Variants in FREM1 observed in about 807,000 individuals in gnomAD.
FREM1 encodes FRAS1 related extracellular matrix 1, also known as FRAS1-related extracellular matrix protein 1.
FREM1 carries 220 observed loss-of-function variants against 210.1 expected under a neutral mutation model. The ratio of observed to expected loss-of-function variants is 1.05; its 90% CI spans 0.94 to 1.17. The LOEUF (loss-of-function observed/expected upper bound fraction) is 1.17, where lower values mean the gene tolerates loss of function less well. FREM1 is among the 50% of genes most tolerant of loss of function. The pLI is 0.00. For missense variants in FREM1, 3,454 were observed against 2,675.5 expected (o/e 1.29, Z -6.42); for synonymous variants, 1,189 against 980.2 (o/e 1.21, Z -3.98).
chr9:14,803,096 T>C (rs1207517416), intron 19 of FREM1, among the ~76,000 whole-genome samples: 2 of 144,298 alleles, frequency 1.4e-5, no homozygotes, highest in South Asian at 2.4e-4. Context: ...TCCTCTCTTC[T>C]TCTCTTTCCC....
At chr9:14,907,209 T>C (rs546167890) in intron 1 of FREM1, among the ~76,000 whole-genome samples, 1 of 57,120 alleles carries the variant, frequency 1.8e-5, no homozygotes, top group South Asian at 3.9e-4. Context: ...AGAGGCTATG[T>C]TGTCAAAAAG....
At chr9:14,897,202 G>C (rs1038602305) in intron 1 of FREM1, among the ~76,000 whole-genome samples, 2 of 152,130 alleles carry the variant, frequency 1.3e-5, no homozygotes, top group African/African-American at 4.8e-5. Flanking sequence ...ACCTGGCACT[G>C]TTGTAACTCA....
At chr9:14,765,865 C>T (rs1439619466) in intron 27 of FREM1, among the ~76,000 whole-genome samples, 4 of 152,172 alleles carry the variant, frequency 2.6e-5, no homozygotes, top group Non-Finnish European at 4.4e-5. Flanking sequence ...CCAGTGGGCA[C>T]AAGAAAGAGG....
chr9:14,882,913 A>AAAAAAAAAAAAAG (rs1835057168), intron 1 of FREM1, among the ~76,000 whole-genome samples: 1 of 47,526 alleles, frequency 2.1e-5, no homozygotes, highest in African/African-American at 8.5e-5. Flanking sequence ...ACTCCATCTC[A>AAAAAAAAAAAAAG]AAAAAAAAAA....
Position 14,897,419 on chromosome 9 carries a change from C to T in FREM1, c.-268+12495G>A, listed in dbSNP as rs7024382. Among the ~76,000 whole-genome samples the T allele has an allele frequency of 4.0e-5, 6 of 151,816 alleles. No homozygotes were observed. In the East Asian group the frequency reaches 1.2e-3, roughly 29 times the overall value. ...GTGATCAAGATGAGGAAACGGGGGC[C>T]CAAAGAGGCTAAGTGATTTGTCAAA... On this transcript the variant is annotated intron_variant, in intron 1 of 36. Transcript: ENST00000380880.
In FREM1 at chr9:14,817,259, T is replaced by C. The variant is rs540158239; in HGVS notation, c.2547-388A>G. Among the ~76,000 whole-genome samples the C allele has an allele frequency of 2.2e-3, 336 of 152,282 alleles. 3 individuals carry two copies. In the South Asian group the frequency reaches 0.029, roughly 13 times the overall value. On this transcript the variant is annotated intron_variant, in intron 14 of 36. Coordinates refer to ENST00000380880, the MANE Select transcript of FREM1 (RefSeq NM_001379081.2). ...GAAAAGTGGGACACTGTGGATTTGA[T>C]CTTTTTCTCCCCTTTTCTACTTCTA...
intron 10 of FREM1, among the ~76,000 whole-genome samples, chr9:14,825,570 T>TATATATATATATATAC (rs1822289590): frequency 7.1e-6 from 1 of 140,832 alleles, no homozygotes; most frequent in East Asian, 2.1e-4. Flanking sequence ...TATATATATA[T>TATATATATATATATAC]ACCACAATTA....
chr9:14,806,765 G>A lies in FREM1; in HGVS notation c.3170C>T (p.Ala1057Val), dbSNP rs1818446023. 1 of 1,605,638 alleles carries A rather than the reference G, an allele frequency of 6.2e-7. No homozygotes were observed. Among genetic ancestry groups the A allele is most frequent in the Non-Finnish European group, 8.5e-7 (1 of 1,175,502 alleles). ...HLSATDPDTA[A>V]DDLEFVLVSP... ...AACCAAAACAAATTCCAAGTCATCTGCTGCAGTGTCAGGGTCAGTGGCGGA... is the reference window on the plus strand; with the variant it reads ...AACCAAAACAAATTCCAAGTCATCTACTGCAGTGTCAGGGTCAGTGGCGGA... Residue 1057 changes from alanine (A) to valine (V), a missense_variant, in exon 18 of 37, where the codon GCA (alanine) becomes GTA (valine). Physicochemically the swap from Ala to Val is moderately conservative, Grantham distance 64 (BLOSUM62 0). Transcript: ENST00000380880.
chr9:14,778,194 TC>T (rs1276604813), intron 24 of FREM1, among the ~76,000 whole-genome samples: 2 of 152,152 alleles, frequency 1.3e-5, no homozygotes, highest in African/African-American at 2.4e-5. Context: ...CACATAATTT[TC>T]TCAAAACAAA....
intron 1 of FREM1, among the ~76,000 whole-genome samples, chr9:14,895,099 C>T (rs1004213816): frequency 6.6e-6 from 1 of 152,174 alleles, no homozygotes; most frequent in Non-Finnish European, 1.5e-5. Context: ...GGAATTTACC[C>T]AACTCACAGG....
rs2270529 is a variant in FREM1 at position 14,747,135 on chromosome 9, T to C, written c.6010-84A>G. 519,008 of 1,593,068 alleles carry C rather than the reference T, an allele frequency of 0.33. 85,581 individuals are homozygous for C. The highest frequency in any genetic ancestry group is 0.38 in the South Asian group (33,703 of 89,748). On this transcript the variant is annotated intron_variant, in intron 33 of 36. Coordinates refer to ENST00000380880, the MANE Select transcript of FREM1 (RefSeq NM_001379081.2). Reference sequence around the variant, plus strand: ...CATTCACCTCCTTTGGGTCTTCATTTGTTGGGAAGCATTTGTGTTGGGTAA... The same window carrying C: ...CATTCACCTCCTTTGGGTCTTCATTCGTTGGGAAGCATTTGTGTTGGGTAA...
In FREM1 at chr9:14,907,769, T is replaced by C. The variant is rs1588698619; in HGVS notation, c.-268+2145A>G. Among the ~76,000 whole-genome samples, 2 of 152,246 alleles carry C rather than the reference T, an allele frequency of 1.3e-5. 1 individual carries two copies. The highest frequency in any genetic ancestry group is 4.1e-4 in the South Asian group (2 of 4,832). On this transcript the variant is annotated intron_variant, in intron 1 of 36. Coordinates refer to ENST00000380880, the MANE Select transcript of FREM1 (RefSeq NM_001379081.2). The stretch of plus-strand genomic sequence containing the variant: ...TTAGGCCTATTCTCAGAGTAAATGC[T>C]GAAAAGCTCTCATAGCCCATATCTG...
intron 24 of FREM1, among the ~76,000 whole-genome samples, chr9:14,782,620 G>T (rs537263138): frequency 6.6e-6 from 1 of 152,310 alleles, no homozygotes; most frequent in African/African-American, 2.4e-5. Context: ...AACAATCATT[G>T]CTCCTCTTGG....
chr9:14,861,320 CACATATAT>C lies in FREM1; in HGVS notation c.330-1844_330-1837del, dbSNP rs1183965979. On this transcript the variant is annotated intron_variant, in intron 3 of 36. Coordinates refer to ENST00000380880, the MANE Select transcript of FREM1 (RefSeq NM_001379081.2). The stretch of plus-strand genomic sequence containing the variant: ...ATATATACACATATATACATATATA[CACATATAT>C]ACATATATACACATATATATACATA... 4.5e-5 allele frequency among the ~76,000 whole-genome samples: 5 copies of C among 111,102 alleles called. No homozygotes were observed. The South Asian group carries it at 7.4e-4, about 17-fold the overall frequency. The allele number at this position is 111,102 out of a possible 152,430, so 72.9% of individuals were successfully genotyped here.
intron 3 of FREM1, among the ~76,000 whole-genome samples, chr9:14,860,342 A>G (rs1384591012): frequency 6.6e-6 from 1 of 151,836 alleles, no homozygotes; most frequent in African/African-American, 2.4e-5. Context: ...ACTCCCCTGA[A>G]TATTTTATTT....
chr9:14,867,407 C>T (rs1027212292), intron 2 of FREM1, among the ~76,000 whole-genome samples: 1 of 152,180 alleles, frequency 6.6e-6, no homozygotes, highest in Non-Finnish European at 1.5e-5. Context: ...TATGTGGAGC[C>T]ATTGTTGAAT....
In FREM1 at chr9:14,784,588, A is replaced by G. The variant is rs753734597; in HGVS notation, c.4224T>C (p.Asp1408=). ...GCGTGGTGGTTGTTAAGAAACCTCT[A>G]TCACCTTTAGACACCACGAGTGGTT... The part of the protein sequence containing the change: ...LTKPLVVSKG[D]RGFLTTTTLL... The change falls in exon 24 of 37, where the codon GAT becomes GAC. Residue 1408 remains aspartate (D), a synonymous_variant. Transcript: ENST00000380880. 17 of 1,608,982 alleles carry G rather than the reference A, an allele frequency of 1.1e-5. No individual in the cohort carries two copies. The highest frequency in any genetic ancestry group is 1.6e-4 in the Middle Eastern group (1 of 6,074).
chr9:14,762,188 A>C (rs2132307765), intron 27 of FREM1, among the ~76,000 whole-genome samples: 1 of 152,308 alleles, frequency 6.6e-6, no homozygotes, highest in African/African-American at 2.4e-5. Flanking sequence ...CAGTTGAATG[A>C]GAAAGAAAAA....
At chr9:14,801,405 G>C (rs778915842) in intron 20 of FREM1, among the ~76,000 whole-genome samples, 2 of 152,142 alleles carry the variant, frequency 1.3e-5, no homozygotes, top group Non-Finnish European at 2.9e-5. Flanking sequence ...GAATTTTCAA[G>C]TATGCAATAT....
Sources: gnomAD v4.1 joint callset for allele counts (sites outside exome capture counted in the v4.1 genomes callset) on GRCh38, gnomAD v4.1.1 for gene constraint, MANE v1.5 for transcripts, NCBI Gene and HGNC (gene_info 2026-07-23, HGNC 2026-07-21) for gene names.